Variants in RYR1 observed in about 807,000 individuals in gnomAD.
RYR1 encodes central core disease of muscle.
In RYR1, 342 loss-of-function variants were observed where a neutral mutation model predicts 583.5. The ratio of observed to expected loss-of-function variants is 0.59; its 90% CI spans 0.54 to 0.64. The LOEUF is 0.64. RYR1 is among the 30% of genes least tolerant of loss of function. The pLI is 0.00. For synonymous variants in RYR1, 2,791 were observed against 2,822.5 expected, an observed-to-expected ratio of 0.99 and a Z score of 0.35; for missense variants, 6,032 against 6,917.2, an observed-to-expected ratio of 0.87 and a Z score of 4.54.
intron 71 of RYR1, among the ~76,000 whole-genome samples, chr19:38,525,830 ACCCTGAGAGTCCCCCCAACAAGATGAGC>A (rs1240257108): frequency 6.7e-6 from 1 of 150,032 alleles, no homozygotes; most frequent in Non-Finnish European, 1.5e-5. Context: ...ACCTGCTGAG[ACCCTGAGAGTCCCCCCAACAAGATGAGC>A]CCCTGAGATC....
Position 38,552,108 on chromosome 19 carries a change from C to T in RYR1, c.12282+3688C>T, listed in dbSNP as rs368421969. Among the ~76,000 whole-genome samples the T allele has an allele frequency of 2.1e-3, 321 of 152,060 alleles. 1 individual carries two copies. The highest frequency in any genetic ancestry group is 3.4e-3 in the Non-Finnish European group (232 of 68,000). Reference sequence around the variant, plus strand: ...GACTCCAGGTGTGTGCCACCACACCCGGCTACTTTTATTTATTTATTTATT... The same window carrying T: ...GACTCCAGGTGTGTGCCACCACACCTGGCTACTTTTATTTATTTATTTATT... On this transcript the variant is annotated intron_variant, in intron 89 of 105. Coordinates refer to ENST00000359596, the MANE Select transcript of RYR1 (RefSeq NM_000540.3).
intron 78 of RYR1, 80 bp downstream of exon 78, chr19:38,532,816 T>C: frequency 2.1e-6 from 3 of 1,437,420 alleles, no homozygotes; most frequent in Non-Finnish European, 2.9e-6. Flanking sequence ...CAGCATGTGT[T>C]CACAGAGCAA....
At chr19:38,454,166 AG>A (rs1269338692) in intron 13 of RYR1, among the ~76,000 whole-genome samples, 1 of 152,116 alleles carries the variant, frequency 6.6e-6, no homozygotes, top group Non-Finnish European at 1.5e-5. Flanking sequence ...CAGCCTCCCA[AG>A]TAGCTGAAAC....
At chr19:38,509,010 A>T (rs1970605240) in intron 58 of RYR1, among the ~76,000 whole-genome samples, 1 of 151,944 alleles carries the variant, frequency 6.6e-6, no homozygotes, top group Non-Finnish European at 1.5e-5. Flanking sequence ...ACTAAGAATT[A>T]CAGCTAGGCC....
intron 92 of RYR1, among the ~76,000 whole-genome samples, 200 bp downstream of exon 92, chr19:38,567,187 A>G (rs536528772): frequency 1.5e-4 from 23 of 152,236 alleles, no homozygotes; most frequent in Non-Finnish European, 2.9e-4. Flanking sequence ...CATAAAAAAA[A>G]AATTAAAATT....
chr19:38,586,490 T>C (rs1222052716), intron 104 of RYR1, 35 bp from the exon 105 acceptor site: 1 of 1,600,478 alleles, frequency 6.2e-7, no homozygotes, highest in African/African-American at 1.3e-5. Flanking sequence ...GTAAGGGTGG[T>C]TCTGACTTGT....
intron 95 of RYR1, among the ~76,000 whole-genome samples, chr19:38,572,518 A>G (rs1007088510): frequency 2.0e-5 from 3 of 152,136 alleles, no homozygotes; most frequent in African/African-American, 7.2e-5. Context: ...CAGGTTCTGG[A>G]CCACTGTCTT....
At chr19:38,531,523 C>A (rs1308024828) in intron 76 of RYR1, among the ~76,000 whole-genome samples, 2 of 151,894 alleles carry the variant, frequency 1.3e-5, no homozygotes, top group South Asian at 4.1e-4. Flanking sequence ...ATTGGCCATA[C>A]TTGTTATTGA....
Position 38,492,533 on chromosome 19 carries a change from C to T in RYR1, c.6171C>T (p.Thr2057=), listed in dbSNP as rs1197775066. The T allele has an allele frequency of 1.2e-6, 2 of 1,614,042 alleles. No homozygotes were observed. Among genetic ancestry groups the T allele is most frequent in the Non-Finnish European group, 1.7e-6 (2 of 1,179,972 alleles). The change falls in exon 38 of 106, where the codon ACC becomes ACT. Residue 2057 remains threonine (T), a synonymous_variant. Coordinates refer to ENST00000359596, the MANE Select transcript of RYR1 (RefSeq NM_000540.3). Reference sequence around the variant, plus strand: ...AGGAGGAGGAACCAGAGGAAGAGACCACCCTGGGCAGCCGCCTCATGAGCC... The same window carrying T: ...AGGAGGAGGAACCAGAGGAAGAGACTACCCTGGGCAGCCGCCTCATGAGCC... The part of the protein sequence containing the change: ...DGEEEEPEEE[T]TLGSRLMSLL...
chr19:38,566,753 TA>T (rs1178985081), intron 91 of RYR1, among the ~76,000 whole-genome samples, 157 bp from the exon 92 acceptor site: 1 of 152,084 alleles, frequency 6.6e-6, no homozygotes, highest in African/African-American at 2.4e-5. Context: ...TTCCCCTCTG[TA>T]AAACGGGAAT....
At chr19:38,498,766 G>A (rs368310886) in intron 42 of RYR1, among the ~76,000 whole-genome samples, 3 of 152,162 alleles carry the variant, frequency 2.0e-5, no homozygotes, top group Admixed American at 1.3e-4. Flanking sequence ...GGTCACTCTC[G>A]TTGCCATCTT....
intron 93 of RYR1, among the ~76,000 whole-genome samples, chr19:38,568,967 T>G (rs916005852): frequency 6.6e-6 from 1 of 152,080 alleles, no homozygotes; most frequent in Admixed American, 6.6e-5. Context: ...CCCAGGAGTT[T>G]GGGGCAAGCC....
At chr19:38,567,071 G>T in intron 92 of RYR1, 84 bp downstream of exon 92, 2 of 1,542,782 alleles carry the variant, frequency 1.3e-6, no homozygotes, top group South Asian at 1.2e-5. Flanking sequence ...AGGCCCCAAG[G>T]CTGTCCTGGC....
chr19:38,517,318 G>C, intron 65 of RYR1, 41 bp from the exon 66 acceptor site: 1 of 1,600,036 alleles, frequency 6.2e-7, no homozygotes, highest in Non-Finnish European at 8.5e-7. Flanking sequence ...AGGTCTGGGG[G>C]TGATGGCTTG....
At position 38,437,342 on chromosome 19, in the gene RYR1, C is replaced by G; in HGVS notation, c.46-3403C>G. On this transcript the variant is annotated intron_variant, in intron 1 of 105. Coordinates refer to ENST00000359596, the MANE Select transcript of RYR1 (RefSeq NM_000540.3). ...CTGGGATTACAGGAATGAGCCACCT[C>G]GCCCAGCCTGCCTTCATTCTAATTC... 2.6e-5 allele frequency among the ~76,000 whole-genome samples: 4 copies of G among 152,236 alleles called. 1 individual carries two copies. The highest frequency in any genetic ancestry group is 2.6e-4 in the Admixed American group (4 of 15,292).
chr19:38,550,695 G>C (rs892668713), intron 89 of RYR1, among the ~76,000 whole-genome samples: 2 of 152,002 alleles, frequency 1.3e-5, no homozygotes, highest in African/African-American at 4.8e-5. Flanking sequence ...TCCCATTACT[G>C]TTGTTAACTT....
chr19:38,476,470 T>G (rs1968735084), intron 29 of RYR1, among the ~76,000 whole-genome samples: 1 of 152,130 alleles, frequency 6.6e-6, no homozygotes, highest in African/African-American at 2.4e-5. Context: ...GTGCTGGGAT[T>G]ACAGGCATGA....
In RYR1 at chr19:38,512,405, A is replaced by G. The variant is rs1412018435; in HGVS notation, c.9394A>G (p.Thr3132Ala). The G allele has an allele frequency of 1.3e-5, 21 of 1,613,750 alleles. No individual in the cohort carries two copies. The highest frequency in any genetic ancestry group is 1.8e-5 in the Non-Finnish European group (21 of 1,179,978). ...AGGCGTGGGCCAGAACCTCACCTAC[A>G]CCACTGTGGCACTGCTGCCGGTCCT... is the stretch of plus-strand genomic sequence containing the variant. ...VKGVGQNLTY[T>A]TVALLPVLTT... The change falls in exon 63 of 106, where the codon ACC becomes GCC. Residue 3132 changes from threonine to alanine, a missense_variant. Coordinates refer to ENST00000359596, the MANE Select transcript of RYR1 (RefSeq NM_000540.3). This position sits in a 1 kb window ranked among gnomAD's most constrained non-coding sequence, Gnocchi z 5.1.
At chr19:38,502,279 T>C (rs544606522) in intron 47 of RYR1, among the ~76,000 whole-genome samples, 207 of 151,562 alleles carry the variant, frequency 1.4e-3, no homozygotes, top group African/African-American at 4.7e-3. Flanking sequence ...CATCGACCAG[T>C]TGTGTGTGTT....
Sources: gnomAD v4.1 joint callset for allele counts (sites outside exome capture counted in the v4.1 genomes callset) on GRCh38, gnomAD v4.1.1 for gene constraint, Gnocchi (gnomAD v3.1) non-coding constraint, MANE v1.5 for transcripts, NCBI Gene and HGNC (gene_info 2026-07-23, HGNC 2026-07-21) for gene names.